The following LUZP1 variants were observed in gnomAD, a reference collection of about 807,000 sequenced individuals.
LUZP1 encodes filamin mechanobinding actin cross-linking protein.
A neutral mutation model predicts 71.3 loss-of-function variants in LUZP1; 25 were observed. The observed-to-expected ratio is 0.35, with a 90% CI of 0.26 to 0.49. The LOEUF is 0.49. Ranked by LOEUF, LUZP1 falls within the 20% of genes least tolerant of loss-of-function variation. The pLI is 0.99. For missense variants in LUZP1, 1,142 were observed against 1,300.8 expected, an observed-to-expected ratio of 0.88 and a Z score of 1.88; for synonymous variants, 481 against 506.4, an observed-to-expected ratio of 0.95 and a Z score of 0.67.
At chr1:23,116,878 G>A (rs1474618202) in intron 2 of LUZP1, among the ~76,000 whole-genome samples, 4 of 152,258 alleles carry the variant, frequency 2.6e-5, no homozygotes, top group African/African-American at 9.6e-5. Context: ...CATCAATCTA[G>A]AAGTTTTTTG....
intron 2 of LUZP1, among the ~76,000 whole-genome samples, chr1:23,127,581 T>C (rs1384961350): frequency 6.6e-6 from 1 of 152,176 alleles, no homozygotes; most frequent in Non-Finnish European, 1.5e-5. Flanking sequence ...TGGAGTGCAG[T>C]GGCACAATCT....
intron 2 of LUZP1, among the ~76,000 whole-genome samples, chr1:23,153,048 T>C (rs1433874973): frequency 6.6e-6 from 1 of 152,180 alleles, no homozygotes; most frequent in African/African-American, 2.4e-5. Context: ...CACTTCTTGA[T>C]TAATGTCATA....
chr1:23,093,479 C>T lies in LUZP1; in HGVS notation c.783G>A (p.Leu261=). The T allele has an allele frequency of 6.2e-7, 1 of 1,612,704 alleles. No individual in the cohort carries two copies. The highest frequency in any genetic ancestry group is 2.2e-5 in the East Asian group (1 of 44,872). The change falls in exon 4 of 5, where the codon CTG becomes CTA. Residue 261 remains leucine, a synonymous_variant. Transcript: ENST00000302291. This position sits in a 1 kb window ranked among gnomAD's most constrained non-coding sequence, Gnocchi z 4.2. ...CATTCTCTACCTGCTTTAGGTAGTC[C>T]AGACCACCCTTCCTTCTTGATTCTT...
chr1:23,157,007 T>G (rs1389449645), intron 2 of LUZP1, among the ~76,000 whole-genome samples: 1 of 152,184 alleles, frequency 6.6e-6, no homozygotes, highest in African/African-American at 2.4e-5. Flanking sequence ...TACCAAATAT[T>G]TCAGAATTTG....
chr1:23,156,857 T>A (rs529863521), intron 2 of LUZP1, among the ~76,000 whole-genome samples: 2 of 152,228 alleles, frequency 1.3e-5, no homozygotes, highest in Non-Finnish European at 2.9e-5. Flanking sequence ...ATTTCATTTG[T>A]GGCCAAAAAC....
chr1:23,151,647 C>A (rs1011151865), intron 2 of LUZP1, among the ~76,000 whole-genome samples: 5 of 152,138 alleles, frequency 3.3e-5, no homozygotes, highest in Non-Finnish European at 7.3e-5. Flanking sequence ...GTACCTATTT[C>A]ATGAGGCAGT....
chr1:23,153,040 C>G (rs1380744560), intron 2 of LUZP1, among the ~76,000 whole-genome samples: 1 of 152,148 alleles, frequency 6.6e-6, no homozygotes, highest in Non-Finnish European at 1.5e-5. Context: ...CTATACAACA[C>G]TTCTTGATTA....
At chr1:23,139,582 G>A (rs1453278770) in intron 2 of LUZP1, among the ~76,000 whole-genome samples, 3 of 152,032 alleles carry the variant, frequency 2.0e-5, no homozygotes, top group Non-Finnish European at 4.4e-5. Context: ...ATTTTCTCCT[G>A]CTTATGATTT....
intron 2 of LUZP1, among the ~76,000 whole-genome samples, chr1:23,124,906 A>C (rs1410661886): frequency 6.6e-6 from 1 of 152,178 alleles, no homozygotes; most frequent in African/African-American, 2.4e-5. Flanking sequence ...TTCAAACTCT[A>C]AATGACCTAA....
intron 4 of LUZP1, among the ~76,000 whole-genome samples, chr1:23,090,214 G>A (rs1643832049): frequency 6.6e-6 from 1 of 152,202 alleles, no homozygotes; most frequent in Non-Finnish European, 1.5e-5. Flanking sequence ...TAATTCTGCT[G>A]GGTGACCTTA....
intron 4 of LUZP1, chr1:23,090,884 G>A (rs1313886519): frequency 1.4e-6 from 1 of 717,740 alleles, no homozygotes; most frequent in Non-Finnish European, 2.6e-6. Flanking sequence ...CCTACGGGGA[G>A]CTCCTTTAGC....
chr1:23,104,562 C>G (rs1043661310), intron 3 of LUZP1, among the ~76,000 whole-genome samples: 5 of 152,122 alleles, frequency 3.3e-5, no homozygotes, highest in African/African-American at 1.2e-4. Flanking sequence ...AATGCACCAT[C>G]CTAAATTCTG....
Position 23,094,179 on chromosome 1 carries a change from T to C in LUZP1, c.83A>G (p.Asp28Gly), listed in dbSNP as rs747559732. ...GTTTTTTGTGGCTTCCTCCAACTCA[T>C]CAAGGCGGCGGCTTAGACTCTGTAG... Residue 28 changes from aspartate to glycine, a missense_variant, in exon 4 of 5, where the codon GAT (aspartate) becomes GGT (glycine). Transcript: ENST00000302291. This position sits in a 1 kb window ranked among gnomAD's most constrained non-coding sequence, Gnocchi z 4.7. 1.6e-5 allele frequency: 26 copies of C among 1,614,014 alleles called. No homozygotes were observed. Among genetic ancestry groups the C allele is most frequent in the Non-Finnish European group, 1.9e-5 (23 of 1,180,014 alleles).
At chr1:23,147,192 G>A (rs1644350627) in intron 2 of LUZP1, among the ~76,000 whole-genome samples, 2 of 151,610 alleles carry the variant, frequency 1.3e-5, no homozygotes, top group Admixed American at 6.6e-5. Context: ...TGTAATCCCA[G>A]CACTTTGGGA....
intron 2 of LUZP1, among the ~76,000 whole-genome samples, chr1:23,149,077 C>A (rs1170860840): frequency 2.9e-5 from 2 of 69,682 alleles, no homozygotes; most frequent in Admixed American, 2.2e-4. Context: ...TGACACCTTG[C>A]CTAAAAAAAA....
chr1:23,083,964 G>GTTAT (rs1643708283), downstream of LUZP1: 1 of 130,928 alleles, frequency 7.6e-6, no homozygotes, highest in Non-Finnish European at 1.8e-5. Flanking sequence ...CAAGAACATG[G>GTTAT]TTATTAGGAA....
chr1:23,143,291 G>A (rs1213884632), intron 2 of LUZP1, among the ~76,000 whole-genome samples: 1 of 152,198 alleles, frequency 6.6e-6, no homozygotes, highest in East Asian at 1.9e-4. Context: ...ACAGGCATGA[G>A]CCACCGTACC....
chr1:23,168,614 A>C, intron 2 of LUZP1, among the ~76,000 whole-genome samples, 152 bp downstream of exon 1: 1 of 103,822 alleles, frequency 9.6e-6, no homozygotes, highest in South Asian at 3.7e-4. Flanking sequence ...CTCTCCCCCA[A>C]CTCCACACCC....
At position 23,093,060 on chromosome 1, in the gene LUZP1, C is replaced by A. The variant is rs369398324; in HGVS notation, c.1202G>T (p.Arg401Leu). ...GAGAGCAAACTCCCTGTTCCGGAGT[C>A]GTTCCCGCTTATGCTGAGGAGACAG... is the stretch of plus-strand genomic sequence containing the variant. Residue 401 changes from arginine to leucine, a missense_variant, in exon 4 of 5, where the codon CGA becomes CTA. Physicochemically the swap from Arg to Leu is moderately radical, Grantham distance 102. Coordinates refer to ENST00000302291, the Ensembl canonical transcript of LUZP1. The surrounding 1 kb of genome is among the most constrained non-coding windows in gnomAD (Gnocchi z 4.2). The A allele has an allele frequency of 6.2e-7, 1 of 1,614,130 alleles. No individual in the cohort carries two copies. The highest frequency in any genetic ancestry group is 1.3e-5 in the African/African-American group (1 of 75,054).
Sources: gnomAD v4.1 joint callset for allele counts (sites outside exome capture counted in the v4.1 genomes callset) on GRCh38, gnomAD v4.1.1 for gene constraint, Gnocchi (gnomAD v3.1) non-coding constraint, MANE v1.5 for transcripts, NCBI Gene and HGNC (gene_info 2026-07-23, HGNC 2026-07-21) for gene names.